Variants in COL23A1 observed in about 807,000 individuals in gnomAD.
COL23A1 encodes the protein collagen type XXIII alpha 1 chain.
Under a neutral mutation model 99.3 loss-of-function variants are expected in COL23A1, and 97 were observed. That is an observed-to-expected ratio of 0.98 (90% CI 0.83 to 1.16). COL23A1 has a LOEUF of 1.16. Among genes scored for constraint, COL23A1 ranks in the 50% most tolerant of loss-of-function variants. COL23A1 has a pLI of 0.00. For missense variants in COL23A1, 762 were observed against 757.4 expected (o/e 1.01, Z -0.07); for synonymous variants, 320 against 308.2 (o/e 1.04, Z -0.40).
intron 1 of COL23A1, among the ~76,000 whole-genome samples, chr5:178,579,876 G>T (rs1763572171): frequency 1.3e-5 from 2 of 152,258 alleles, no homozygotes; most frequent in African/African-American, 4.8e-5. Flanking sequence ...TCTGCCATGA[G>T]GCTGTGGAAA....
intron 2 of COL23A1, among the ~76,000 whole-genome samples, chr5:178,460,166 C>T (rs1187529400): frequency 2.6e-5 from 4 of 152,114 alleles, no homozygotes; most frequent in African/African-American, 7.2e-5. Flanking sequence ...CCAACAGTCT[C>T]CTGAACAGCC....
rs1186299494 is a variant in COL23A1, at chr5:178,309,136, C to T, written c.362-2217G>A. On this transcript the variant is annotated intron_variant, in intron 2 of 28. Transcript: ENST00000390654. This position sits in a 1 kb window ranked among gnomAD's most constrained non-coding sequence, Gnocchi z 4.7. The stretch of plus-strand genomic sequence containing the variant: ...CTTTCCTGATGGGAATCACTGGGTA[C>T]GACTAGGAAGTTCTCCGTCTGGGTA... Among the ~76,000 whole-genome samples, 4 of 152,200 alleles carry T rather than the reference C, an allele frequency of 2.6e-5. No individual in the cohort carries two copies. Among genetic ancestry groups the T allele is most frequent in the East Asian group, 1.9e-4 (1 of 5,198 alleles).
intron 2 of COL23A1, among the ~76,000 whole-genome samples, chr5:178,493,162 G>A (rs1758020083): frequency 6.6e-6 from 1 of 152,198 alleles, no homozygotes; most frequent in Non-Finnish European, 1.5e-5. Flanking sequence ...GGGAAAGGAG[G>A]TGATCTCCAG....
intron 2 of COL23A1, among the ~76,000 whole-genome samples, chr5:178,401,708 T>C (rs1199669875): frequency 6.6e-6 from 1 of 152,234 alleles, no homozygotes; most frequent in East Asian, 1.9e-4. Flanking sequence ...TAAGATACAC[T>C]ACCCAACTGT....
At chr5:178,287,633 G>C (rs1436084106) in intron 5 of COL23A1, among the ~76,000 whole-genome samples, 1 of 152,128 alleles carries the variant, frequency 6.6e-6, no homozygotes, top group Non-Finnish European at 1.5e-5. Flanking sequence ...TTCCCTCCCT[G>C]CATCTTCCTG....
At chr5:178,347,302 C>T (rs1761027946) in intron 2 of COL23A1, among the ~76,000 whole-genome samples, 1 of 152,082 alleles carries the variant, frequency 6.6e-6, no homozygotes, top group Admixed American at 6.5e-5. Flanking sequence ...GAACCTTGAA[C>T]ACGTGCTAGG....
At chr5:178,246,545 G>T in intron 22 of COL23A1, 92 bp from the exon 23 acceptor site, 1 of 1,317,118 alleles carries the variant, frequency 7.6e-7, no homozygotes, top group Non-Finnish European at 1.1e-6. Context: ...GCTGGGATGT[G>T]GACAGAGGAA....
chr5:178,247,421 G>A, intron 22 of COL23A1, 105 bp downstream of exon 22: 7 of 1,330,750 alleles, frequency 5.3e-6, no homozygotes, highest in Non-Finnish European at 5.4e-6. Flanking sequence ...CTCAGGGATG[G>A]GCCAGGGCGG....
chr5:178,347,944 C>T (rs1321296322), intron 2 of COL23A1, among the ~76,000 whole-genome samples: 1 of 151,714 alleles, frequency 6.6e-6, no homozygotes, highest in Non-Finnish European at 1.5e-5. Flanking sequence ...ATTTAAATAG[C>T]CACACGGACT....
intron 2 of COL23A1, among the ~76,000 whole-genome samples, chr5:178,357,760 ACG>A (rs879778884): frequency 0.1 from 14,809 of 144,728 alleles, 852 homozygotes; most frequent in East Asian, 0.2. Flanking sequence ...GTGTGTGTGT[ACG>A]TGTATGTATG....
At chr5:178,489,585 G>T (rs1757818335) in intron 2 of COL23A1, among the ~76,000 whole-genome samples, 1 of 151,866 alleles carries the variant, frequency 6.6e-6, no homozygotes, top group Non-Finnish European at 1.5e-5. Context: ...GTTCATCACA[G>T]ACTGGGGCTG....
At chr5:178,535,026 G>A (rs1210178770) in intron 2 of COL23A1, among the ~76,000 whole-genome samples, 10 of 144,230 alleles carry the variant, frequency 6.9e-5, no homozygotes, top group African/African-American at 2.6e-4. Context: ...GCTGGAGTGC[G>A]GTGGCGTGAT....
intron 2 of COL23A1, among the ~76,000 whole-genome samples, chr5:178,496,410 T>C (rs1758203405): frequency 6.6e-6 from 1 of 152,172 alleles, no homozygotes; most frequent in Non-Finnish European, 1.5e-5. Flanking sequence ...GAATGCCTTC[T>C]TGTTCTACGG....
intron 2 of COL23A1, among the ~76,000 whole-genome samples, chr5:178,437,763 C>T (rs1766641062): frequency 6.6e-6 from 1 of 152,188 alleles, no homozygotes; most frequent in Non-Finnish European, 1.5e-5. Context: ...AGTCCCAGGG[C>T]CAGCTCCTTC....
intron 2 of COL23A1, among the ~76,000 whole-genome samples, chr5:178,323,029 C>G (rs529888695): frequency 8.7e-4 from 133 of 152,246 alleles, no homozygotes; most frequent in Non-Finnish European, 1.2e-3. Flanking sequence ...CGGAGGGAGG[C>G]TAAGCAGGAC....
At chr5:178,320,593 G>A (rs1304505935) in intron 2 of COL23A1, among the ~76,000 whole-genome samples, 2 of 152,182 alleles carry the variant, frequency 1.3e-5, no homozygotes, top group African/African-American at 4.8e-5. Flanking sequence ...AAGATTGGGG[G>A]GCTTGAGGAG....
intron 19 of COL23A1, among the ~76,000 whole-genome samples, 172 bp from the exon 20 acceptor site, chr5:178,248,426 G>T (rs550968940): frequency 6.6e-6 from 1 of 152,324 alleles, no homozygotes; most frequent in Non-Finnish European, 1.5e-5. Flanking sequence ...CGGGTGGTGG[G>T]CAGTGTGGGC....
At chr5:178,374,625 T>A (rs574117042) in intron 2 of COL23A1, among the ~76,000 whole-genome samples, 52 of 152,318 alleles carry the variant, frequency 3.4e-4, no homozygotes, top group Non-Finnish European at 5.6e-4. Context: ...TGAGTGAAGG[T>A]GTTGTCAGTG....
intron 3 of COL23A1, among the ~76,000 whole-genome samples, chr5:178,305,676 C>T (rs2973797): frequency 0.59 from 89,458 of 151,714 alleles, 27,260 homozygotes; most frequent in Non-Finnish European, 0.68. Flanking sequence ...GTTCTGGGTG[C>T]GGGAAGACAT....
Sources: allele counts gnomAD v4.1 joint callset (sites outside exome capture counted in the v4.1 genomes callset), GRCh38; gene constraint gnomAD v4.1.1; non-coding constraint Gnocchi (gnomAD v3.1); transcripts MANE v1.5; gene names NCBI Gene and HGNC (gene_info 2026-07-23, HGNC 2026-07-21).